KCNJ3: variants seen among roughly 807,000 people sequenced by gnomAD.
The protein encoded by KCNJ3 is G protein-activated inward rectifier potassium channel 1.
Under a neutral mutation model 39.2 loss-of-function variants are expected in KCNJ3, and 4 were observed. That is an observed-to-expected ratio of 0.10 (90% CI 0.05 to 0.23). The LOEUF (loss-of-function observed/expected upper bound fraction) is 0.23. Among genes scored for constraint, KCNJ3 ranks in the 10% least tolerant of loss-of-function variants. KCNJ3 has a pLI of 1.00. For synonymous variants in KCNJ3, 230 were observed against 237.4 expected (o/e 0.97, Z 0.29); for missense variants, 276 against 634.9 (o/e 0.43, Z 6.08).
rs554873890 is a variant in KCNJ3, at chr2:154,713,375, C to T, written c.919+3556C>T. ...TTATCTTCCCTCTTTTACCCTCCTA[C>T]CCTAGCACCCCTACCCAATTTCTCC... is the stretch of plus-strand genomic sequence containing the variant. On this transcript the variant is annotated intron_variant, in intron 2 of 2. Coordinates refer to ENST00000295101, the MANE Select transcript of KCNJ3 (RefSeq NM_002239.4). 2.0e-5 allele frequency among the ~76,000 whole-genome samples: 3 copies of T among 152,218 alleles called. No individual in the cohort carries two copies. The East Asian group carries it at 5.8e-4, about 29-fold the overall frequency.
intron 2 of KCNJ3, among the ~76,000 whole-genome samples, chr2:154,837,660 C>T (rs1253376247): frequency 6.6e-6 from 1 of 152,234 alleles, no homozygotes; most frequent in African/African-American, 2.4e-5. Flanking sequence ...CATCTCATAC[C>T]TGGCACAATG....
intron 2 of KCNJ3, among the ~76,000 whole-genome samples, chr2:154,842,990 C>G (rs55681500): frequency 0.28 from 41,883 of 152,082 alleles, 6,704 homozygotes; most frequent in Non-Finnish European, 0.36. Flanking sequence ...ATAATGTTCA[C>G]TGCTTATTTT....
intron 2 of KCNJ3, among the ~76,000 whole-genome samples, chr2:154,836,072 T>C (rs1204377207): frequency 1.3e-5 from 2 of 151,866 alleles, no homozygotes; most frequent in Non-Finnish European, 2.9e-5. Context: ...TAACCTGGCG[T>C]GGTGGCATGC....
rs1397227872 is a variant in KCNJ3, at chr2:154,855,468, T to C, written c.*155T>C. ...CTTCCTTTCCCAAGTATTGCGAATG[T>C]GCAGAAAGCAACAGTTACGGAGGGA... On this transcript the variant is annotated 3_prime_UTR_variant, in exon 3 of 3. Transcript: ENST00000295101. 1 of 605,390 alleles carries C rather than the reference T, an allele frequency of 1.7e-6. No homozygotes were observed. The highest frequency in any genetic ancestry group is 2.8e-5 in the East Asian group (1 of 36,040). The allele number at this position is 605,390 out of a possible 1,614,324, so 37.5% of individuals were successfully genotyped here.
intron 2 of KCNJ3, among the ~76,000 whole-genome samples, chr2:154,755,128 T>C (rs915611307): frequency 4.6e-5 from 7 of 152,118 alleles, no homozygotes; most frequent in Non-Finnish European, 1.0e-4. Flanking sequence ...TTTTAACCTT[T>C]TTCTTCCCAT....
At chr2:154,841,755 G>T (rs557274458) in intron 2 of KCNJ3, among the ~76,000 whole-genome samples, 29 of 152,104 alleles carry the variant, frequency 1.9e-4, no homozygotes, top group East Asian at 7.8e-4. Flanking sequence ...ATGGTAGTTT[G>T]TATTTCTGTG....
intron 2 of KCNJ3, among the ~76,000 whole-genome samples, chr2:154,843,223 TG>T (rs1687607171): frequency 1.3e-5 from 2 of 152,220 alleles, no homozygotes; most frequent in African/African-American, 4.8e-5. Flanking sequence ...TCTGAAATTC[TG>T]GGTTGAAAAT....
rs72874091 is a variant in KCNJ3, at chr2:154,727,611, G to A, written c.919+17792G>A. On this transcript the variant is annotated intron_variant, in intron 2 of 2. Coordinates refer to ENST00000295101, the MANE Select transcript of KCNJ3 (RefSeq NM_002239.4). Reference sequence around the variant, plus strand: ...TCCGTCAAAAAAAAAAAAAAAAAAAGAGAGAAAAAGAGTATGAATTAAATT... The same window carrying A: ...TCCGTCAAAAAAAAAAAAAAAAAAAAAGAGAAAAAGAGTATGAATTAAATT... Among the ~76,000 whole-genome samples, 148 of 120,052 alleles carry A rather than the reference G, an allele frequency of 1.2e-3. 3 individuals are homozygous for A. Among genetic ancestry groups the A allele is most frequent in the Middle Eastern group, 8.2e-3 (2 of 244 alleles). 78.8% of individuals were successfully genotyped at this position (120,052 alleles called of 152,430 possible).
intron 2 of KCNJ3, among the ~76,000 whole-genome samples, chr2:154,717,307 C>G (rs1384200226): frequency 1.3e-5 from 2 of 152,150 alleles, no homozygotes; most frequent in African/African-American, 2.4e-5. Flanking sequence ...CAGTTTGGAC[C>G]TAATTCTGCA....
At chr2:154,772,039 C>G (rs1686251524) in intron 2 of KCNJ3, among the ~76,000 whole-genome samples, 1 of 152,078 alleles carries the variant, frequency 6.6e-6, no homozygotes, top group African/African-American at 2.4e-5. Flanking sequence ...TTCATGTGTG[C>G]TAGAAACAGA....
At position 154,857,032 on chromosome 2, in the gene KCNJ3, A is replaced by C. The variant is rs1171006363; in HGVS notation, c.*1719A>C. On this transcript the variant is annotated 3_prime_UTR_variant, in exon 3 of 3. Coordinates refer to ENST00000295101, the MANE Select transcript of KCNJ3 (RefSeq NM_002239.4). ...AAATTAATACATCAACACTTAAATC[A>C]TTGACTATAATAATACCTTCTGGCT... The C allele has an allele frequency of 6.6e-6, 1 of 152,174 alleles. No homozygotes were observed. The highest frequency in any genetic ancestry group is 1.9e-4 in the East Asian group (1 of 5,192). 9.4% of individuals were successfully genotyped at this position (152,174 alleles called of 1,614,324 possible).
intron 2 of KCNJ3, among the ~76,000 whole-genome samples, chr2:154,735,798 A>T (rs771667903): frequency 3.9e-5 from 6 of 152,184 alleles, no homozygotes; most frequent in Non-Finnish European, 7.3e-5. Flanking sequence ...ACATTTTTGA[A>T]GAAATACATT....
chr2:154,800,850 T>C (rs1291215929), intron 2 of KCNJ3, among the ~76,000 whole-genome samples: 9 of 152,196 alleles, frequency 5.9e-5, no homozygotes, highest in Admixed American at 5.9e-4. Context: ...ATATTTTAAG[T>C]ACAGTATATA....
At chr2:154,814,633 G>A (rs777739201) in intron 2 of KCNJ3, among the ~76,000 whole-genome samples, 10 of 151,684 alleles carry the variant, frequency 6.6e-5, no homozygotes, top group East Asian at 1.9e-4. Flanking sequence ...GCAAGACTCC[G>A]TCTCAAAAAA....
intron 2 of KCNJ3, among the ~76,000 whole-genome samples, chr2:154,730,775 T>C (rs909020985): frequency 6.6e-6 from 1 of 152,094 alleles, no homozygotes; most frequent in East Asian, 1.9e-4. Flanking sequence ...CTTTTTAACA[T>C]ATTCTAGTTT....
chr2:154,782,493 C>A (rs1686454455), intron 2 of KCNJ3, among the ~76,000 whole-genome samples: 1 of 150,534 alleles, frequency 6.6e-6, no homozygotes, highest in Non-Finnish European at 1.5e-5. Context: ...CATAATAATA[C>A]CATACATATT....
At chr2:154,754,812 T>C (rs915560477) in intron 2 of KCNJ3, among the ~76,000 whole-genome samples, 3 of 152,224 alleles carry the variant, frequency 2.0e-5, no homozygotes, top group Admixed American at 6.5e-5. Context: ...ATGCATAAGA[T>C]TGATATTATT....
chr2:154,777,108 G>A (rs1045513194), intron 2 of KCNJ3, among the ~76,000 whole-genome samples: 8 of 152,160 alleles, frequency 5.3e-5, no homozygotes, highest in African/African-American at 1.9e-4. Flanking sequence ...AAATTTGTCC[G>A]ATGGATCAAA....
chr2:154,743,014 G>A (rs1685678109), intron 2 of KCNJ3, among the ~76,000 whole-genome samples: 1 of 151,804 alleles, frequency 6.6e-6, no homozygotes, highest in African/African-American at 2.4e-5. Flanking sequence ...TTACATATAG[G>A]TCTTTGATTC....
Sources: allele counts gnomAD v4.1 joint callset (sites outside exome capture counted in the v4.1 genomes callset), GRCh38; gene constraint gnomAD v4.1.1; transcripts MANE v1.5; gene names NCBI Gene and HGNC (gene_info 2026-07-23, HGNC 2026-07-21).